Variants in PRKCB observed in about 807,000 individuals in gnomAD.
PRKCB encodes protein kinase C beta, also known as protein kinase C beta type.
In PRKCB, 13 loss-of-function variants were observed where a neutral mutation model predicts 81.5. That is an observed-to-expected ratio of 0.16 (90% CI 0.10 to 0.25). PRKCB has a LOEUF of 0.25. PRKCB is among the 10% of genes least tolerant of loss of function. The pLI is 1.00. For synonymous variants in PRKCB, 335 were observed against 321.4 expected (o/e 1.04, Z -0.45); for missense variants, 509 against 875.7 (o/e 0.58, Z 5.29).
rs111450256 is a variant in PRKCB, at chr16:23,967,109, G to T, written c.206-21399G>T. Among the ~76,000 whole-genome samples, 140 of 152,118 alleles carry T rather than the reference G, an allele frequency of 9.2e-4. 1 individual carries two copies. Among genetic ancestry groups the T allele is most frequent in the South Asian group, 6.0e-3 (29 of 4,820 alleles). On this transcript the variant is annotated intron_variant, in intron 2 of 16. Transcript: ENST00000643927. The stretch of plus-strand genomic sequence containing the variant: ...ACTCCTCTAATTGCTCTGGGAGGAG[G>T]CCTGTCTCTGCCCTGCAAATCAGCA...
At chr16:23,919,150 T>A (rs545837631) in intron 2 of PRKCB, among the ~76,000 whole-genome samples, 2 of 152,356 alleles carry the variant, frequency 1.3e-5, no homozygotes, top group Admixed American at 1.3e-4. Context: ...ATCCATCAAG[T>A]ATATCTTTGA....
intron 1 of PRKCB, 113 bp downstream of exon 1, chr16:23,836,461 C>G: frequency 2.1e-6 from 3 of 1,422,012 alleles, no homozygotes; most frequent in Non-Finnish European, 2.8e-6. Flanking sequence ...TGGGACCCCG[C>G]GTCTCCGGAC....
At chr16:24,142,807 C>T (rs1230668574) in intron 9 of PRKCB, among the ~76,000 whole-genome samples, 2 of 152,058 alleles carry the variant, frequency 1.3e-5, no homozygotes, top group Admixed American at 1.3e-4. Context: ...AGGAGATAGC[C>T]CCAGAGATCA....
At chr16:24,019,300 C>T (rs76915736) in intron 3 of PRKCB, among the ~76,000 whole-genome samples, 2,396 of 151,840 alleles carry the variant, frequency 0.016, 61 homozygotes, top group African/African-American at 0.055. Context: ...ACTATGATCT[C>T]GCCACTGTGC....
chr16:24,075,894 T>C lies in PRKCB; in HGVS notation c.530-16897T>C, dbSNP rs9934723. Among the ~76,000 whole-genome samples, 1,496 of 152,336 alleles carry C rather than the reference T, an allele frequency of 9.8e-3. 23 individuals are homozygous for C. Among genetic ancestry groups the C allele is most frequent in the African/African-American group, 0.034 (1,394 of 41,574 alleles). ...TTAAAATACAGGTTGCTGGGTTCCA[T>C]CCTCAATTCAGCAGGTCTGAGCAGG... On this transcript the variant is annotated intron_variant, in intron 5 of 16. Coordinates refer to ENST00000643927, the MANE Select transcript of PRKCB (RefSeq NM_002738.7).
chr16:23,986,440 T>A (rs1418493513), intron 2 of PRKCB, among the ~76,000 whole-genome samples: 1 of 151,882 alleles, frequency 6.6e-6, no homozygotes, highest in Non-Finnish European at 1.5e-5. Flanking sequence ...TTTGTAGAGA[T>A]GGGGTCTCAC....
chr16:24,140,845 C>G (rs1029335278), intron 9 of PRKCB, among the ~76,000 whole-genome samples: 2 of 152,136 alleles, frequency 1.3e-5, no homozygotes, highest in Non-Finnish European at 2.9e-5. Flanking sequence ...ACTTGGCAGT[C>G]TTTCATTAGT....
At chr16:23,994,706 G>A (rs1203363815) in intron 3 of PRKCB, among the ~76,000 whole-genome samples, 2 of 152,226 alleles carry the variant, frequency 1.3e-5, no homozygotes, top group East Asian at 3.8e-4. Flanking sequence ...CATTGGTTGA[G>A]CAAATTAATT....
At chr16:24,087,653 C>A (rs986622584) in intron 5 of PRKCB, among the ~76,000 whole-genome samples, 1 of 152,170 alleles carries the variant, frequency 6.6e-6, no homozygotes, top group Non-Finnish European at 1.5e-5. Flanking sequence ...AATGTGGGAT[C>A]GGGATATGAA....
rs28734965 is a variant in PRKCB, at chr16:24,007,239, A to G, written c.288+18649A>G. 4.8e-3 allele frequency among the ~76,000 whole-genome samples: 729 copies of G among 152,328 alleles called. 4 individuals carry two copies. The highest frequency in any genetic ancestry group is 0.016 in the African/African-American group (670 of 41,570). On this transcript the variant is annotated intron_variant, in intron 3 of 16. Transcript: ENST00000643927. ...AGTTAACCTAGATGGTAAGAGCTTC[A>G]TGCCGTAACTGGCACATAGGACATG...
At chr16:23,902,149 A>G (rs1419006809) in intron 2 of PRKCB, among the ~76,000 whole-genome samples, 1 of 152,070 alleles carries the variant, frequency 6.6e-6, no homozygotes, top group African/African-American at 2.4e-5. Context: ...GAGGGTATGT[A>G]GGGTGGGGTG....
chr16:23,902,756 T>C (rs56116166), intron 2 of PRKCB, among the ~76,000 whole-genome samples: 52 of 38,400 alleles, frequency 1.4e-3, no homozygotes, highest in African/African-American at 3.5e-3. Context: ...CTTCCTTCCT[T>C]CCTTCCTTCC....
intron 8 of PRKCB, among the ~76,000 whole-genome samples, chr16:24,115,795 G>C (rs552894248): frequency 5.3e-5 from 8 of 151,844 alleles, no homozygotes; most frequent in Non-Finnish European, 8.8e-5. Context: ...GTGAGATCTC[G>C]GCTCACTGCA....
At chr16:24,093,914 A>T (rs1966407473) in intron 6 of PRKCB, among the ~76,000 whole-genome samples, 1 of 152,244 alleles carries the variant, frequency 6.6e-6, no homozygotes, top group Non-Finnish European at 1.5e-5. Context: ...GACATAAGAT[A>T]ACAAAAGTAG....
chr16:24,002,667 G>A (rs1965054242), intron 3 of PRKCB, among the ~76,000 whole-genome samples: 1 of 152,092 alleles, frequency 6.6e-6, no homozygotes, highest in Non-Finnish European at 1.5e-5. Flanking sequence ...GCCTTTGTTT[G>A]TGTCACAGTG....
intron 4 of PRKCB, among the ~76,000 whole-genome samples, chr16:24,034,540 T>A (rs1254176015): frequency 1.3e-5 from 2 of 152,236 alleles, no homozygotes; most frequent in African/African-American, 4.8e-5. Flanking sequence ...GGATATCCTA[T>A]AACATGAGAG....
intron 5 of PRKCB, among the ~76,000 whole-genome samples, chr16:24,043,919 T>C (rs1965734458): frequency 6.6e-6 from 1 of 152,228 alleles, no homozygotes; most frequent in South Asian, 2.1e-4. Flanking sequence ...TTAGGGAATC[T>C]ATTCTCTTAA....
chr16:23,965,233 G>C (rs572147582), intron 2 of PRKCB, among the ~76,000 whole-genome samples: 4 of 152,354 alleles, frequency 2.6e-5, no homozygotes, highest in African/African-American at 9.6e-5. Context: ...TTATAAGTGA[G>C]AATATGCAGC....
At chr16:23,880,256 A>G (rs922252641) in intron 2 of PRKCB, among the ~76,000 whole-genome samples, 2 of 152,074 alleles carry the variant, frequency 1.3e-5, no homozygotes, top group Non-Finnish European at 2.9e-5. Context: ...TCCTCCTAGT[A>G]TTAGCTTAAT....
Sources: gnomAD v4.1 joint callset for allele counts (sites outside exome capture counted in the v4.1 genomes callset) on GRCh38, gnomAD v4.1.1 for gene constraint, MANE v1.5 for transcripts, NCBI Gene and HGNC (gene_info 2026-07-23, HGNC 2026-07-21) for gene names.